CDH20: variants seen among roughly 807,000 people sequenced by gnomAD.
The protein encoded by CDH20 is cadherin-20.
Under a neutral mutation model 74.2 loss-of-function variants are expected in CDH20, and 29 were observed. The observed-to-expected ratio is 0.39, with a 90% CI of 0.29 to 0.53. The LOEUF is 0.53. CDH20 is among the 20% of genes least tolerant of loss of function. CDH20 has a pLI of 0.69. For missense variants in CDH20, 988 were observed against 1,048.3 expected (o/e 0.94, Z 0.79); for synonymous variants, 469 against 405.4 (o/e 1.16, Z -1.88).
chr18:61,415,735 C>G (rs1912660253), intron 1 of CDH20, among the ~76,000 whole-genome samples: 1 of 152,096 alleles, frequency 6.6e-6, no homozygotes. Flanking sequence ...TTTCCTTTAT[C>G]ATTTTGGGCA....
intron 1 of CDH20, among the ~76,000 whole-genome samples, chr18:61,475,590 A>G (rs894019728): frequency 6.6e-6 from 1 of 152,178 alleles, no homozygotes; most frequent in Non-Finnish European, 1.5e-5. Flanking sequence ...TACTTGTTGC[A>G]TATTTGGAAA....
chr18:61,527,937 C>T (rs549145792), intron 6 of CDH20, 30 bp from the exon 7 acceptor site: 27 of 1,611,342 alleles, frequency 1.7e-5, no homozygotes, highest in African/African-American at 4.0e-5. Context: ...ACCTCAGTGG[C>T]GAATCAATTT....
chr18:61,550,241 G>A lies in CDH20; in HGVS notation c.1900+12G>A. ...CTTTGTCCTCTTAGGTGAGTAAGGGGCTGCTTTCCCTTCTGTGGAGTCCTG... is the reference window on the plus strand; with the variant it reads ...CTTTGTCCTCTTAGGTGAGTAAGGGACTGCTTTCCCTTCTGTGGAGTCCTG... On this transcript the variant is annotated intron_variant, in intron 11 of 11. Transcript: ENST00000262717. 1 of 1,608,656 alleles carries A rather than the reference G, an allele frequency of 6.2e-7. No homozygotes were observed. The highest frequency in any genetic ancestry group is 8.5e-7 in the Non-Finnish European group (1 of 1,176,314).
At chr18:61,347,319 TACACACACACACACACACACACACAC>T (rs33985303) in intron 1 of CDH20, among the ~76,000 whole-genome samples, 4 of 77,408 alleles carry the variant, frequency 5.2e-5, no homozygotes, top group African/African-American at 2.3e-4. Flanking sequence ...TATATATATA[TACACACACACACACACACACACACAC>T]ACACACATAT....
At chr18:61,533,266 C>G (rs1171374390) in intron 7 of CDH20, among the ~76,000 whole-genome samples, 1 of 152,076 alleles carries the variant, frequency 6.6e-6, no homozygotes, top group Non-Finnish European at 1.5e-5. Flanking sequence ...TTGGTCATGC[C>G]ACTGCACCAC....
chr18:61,544,187 GC>G (rs1315751054), intron 9 of CDH20, among the ~76,000 whole-genome samples: 1 of 152,204 alleles, frequency 6.6e-6, no homozygotes, highest in African/African-American at 2.4e-5. Context: ...ACAGGGGTGT[GC>G]CCTGCTGCTC....
chr18:61,446,916 C>T (rs1026376191), intron 1 of CDH20, among the ~76,000 whole-genome samples: 1 of 152,154 alleles, frequency 6.6e-6, no homozygotes, highest in South Asian at 2.1e-4. Flanking sequence ...CATGTGGAAA[C>T]CAAGTAATTG....
At chr18:61,453,120 G>A (rs1037984818) in intron 1 of CDH20, among the ~76,000 whole-genome samples, 3 of 151,752 alleles carry the variant, frequency 2.0e-5, no homozygotes, top group Admixed American at 6.6e-5. Context: ...ATCACCACAG[G>A]GCCCTTTATG....
At position 61,492,053 on chromosome 18, in the gene CDH20, T is replaced by C. The variant is rs186386869; in HGVS notation, c.246+1254T>C. Reference sequence around the variant, plus strand: ...CCAATGAATGCAAAACCTCTATCTCTGGCTTAGACCACTTTGGGTTATAAA... The same window carrying C: ...CCAATGAATGCAAAACCTCTATCTCCGGCTTAGACCACTTTGGGTTATAAA... On this transcript the variant is annotated intron_variant, in intron 2 of 11. Coordinates refer to ENST00000262717, the MANE Select transcript of CDH20 (RefSeq NM_031891.4). 6.6e-5 allele frequency among the ~76,000 whole-genome samples: 10 copies of C among 152,212 alleles called. No individual in the cohort carries two copies. In the East Asian group the frequency reaches 1.6e-3, roughly 24 times the overall value.
At position 61,448,671 on chromosome 18, in the gene CDH20, A is replaced by G. The variant is rs535121791; in HGVS notation, c.-152-41731A>G. ...AAAACTCCTTTGTTTTCATGAAGAC[A>G]TGAGACATATTAAGGTTGTTTTAAA... is the stretch of plus-strand genomic sequence containing the variant. On this transcript the variant is annotated intron_variant, in intron 1 of 11. Coordinates refer to ENST00000262717, the MANE Select transcript of CDH20 (RefSeq NM_031891.4). Among the ~76,000 whole-genome samples the G allele has an allele frequency of 3.9e-5, 6 of 152,334 alleles. No individual in the cohort carries two copies. The East Asian group carries it at 9.6e-4, about 24-fold the overall frequency.
intron 2 of CDH20, among the ~76,000 whole-genome samples, chr18:61,497,922 T>TTAAC (rs1018940870): frequency 1.3e-5 from 2 of 152,120 alleles, no homozygotes; most frequent in Non-Finnish European, 2.9e-5. Flanking sequence ...CTGACTAAAT[T>TTAAC]TAACTAACTG....
chr18:61,336,305 G>C (rs1032302299), intron 1 of CDH20, among the ~76,000 whole-genome samples: 7 of 152,224 alleles, frequency 4.6e-5, no homozygotes, highest in Non-Finnish European at 8.8e-5. Context: ...TTGGGTAAAA[G>C]CACTGCCTCC....
intron 2 of CDH20, among the ~76,000 whole-genome samples, chr18:61,496,656 G>A (rs1324977696): frequency 1.3e-5 from 2 of 152,126 alleles, no homozygotes; most frequent in African/African-American, 2.4e-5. Context: ...GCGGCCTGCC[G>A]GGATCACAGG....
intron 1 of CDH20, among the ~76,000 whole-genome samples, chr18:61,412,303 T>C (rs1912538436): frequency 6.6e-6 from 1 of 152,188 alleles, no homozygotes; most frequent in African/African-American, 2.4e-5. Flanking sequence ...AAGCAACATA[T>C]TCTGCTTATA....
intron 6 of CDH20, among the ~76,000 whole-genome samples, chr18:61,509,716 G>A (rs76041532): frequency 0.07 from 10,700 of 152,226 alleles, 542 homozygotes; most frequent in East Asian, 0.16. Flanking sequence ...TTGAGGTCAG[G>A]GGAGTTTAAG....
intron 1 of CDH20, among the ~76,000 whole-genome samples, chr18:61,396,813 T>A (rs565682743): frequency 1.3e-5 from 2 of 152,326 alleles, no homozygotes; most frequent in African/African-American, 4.8e-5. Context: ...GCAACTCTGC[T>A]TTTCCTGGGG....
At chr18:61,526,074 T>C (rs1262779534) in intron 6 of CDH20, among the ~76,000 whole-genome samples, 7 of 148,928 alleles carry the variant, frequency 4.7e-5, no homozygotes, top group African/African-American at 1.7e-4. Flanking sequence ...GCTTCCTACA[T>C]TGTCAGGCTT....
chr18:61,479,867 T>C (rs1910527361), intron 1 of CDH20, among the ~76,000 whole-genome samples: 1 of 152,156 alleles, frequency 6.6e-6, no homozygotes, highest in Non-Finnish European at 1.5e-5. Context: ...CCCCTTTCTC[T>C]TGGGTCCTAT....
At chr18:61,422,331 A>G (rs913737879) in intron 1 of CDH20, among the ~76,000 whole-genome samples, 1 of 152,166 alleles carries the variant, frequency 6.6e-6, no homozygotes, top group East Asian at 1.9e-4. Context: ...TGGGTTGTCA[A>G]TTTCTCTATC....
Sources: allele counts gnomAD v4.1 joint callset (sites outside exome capture counted in the v4.1 genomes callset), GRCh38; gene constraint gnomAD v4.1.1; transcripts MANE v1.5; gene names NCBI Gene and HGNC (gene_info 2026-07-23, HGNC 2026-07-21).